The following ZNF77 variants were observed in gnomAD, a reference collection of about 807,000 sequenced individuals.
ZNF77 encodes zinc finger protein 77, also known as ZNFpT1.
In ZNF77, 15 loss-of-function variants were observed where a neutral mutation model predicts 13.5. The observed-to-expected ratio is 1.11, with a 90% CI of 0.74 to 1.71. The LOEUF is 1.71. ZNF77 is among the 40% of genes most tolerant of loss of function. The pLI is 0.00. For synonymous variants in ZNF77, 282 were observed against 250.0 expected, an observed-to-expected ratio of 1.13 and a Z score of -1.21; for missense variants, 717 against 676.4, an observed-to-expected ratio of 1.06 and a Z score of -0.67.
intron 1 of ZNF77, 32 bp from the exon 2 acceptor site, chr19:2,939,439 A>C: frequency 6.2e-7 from 1 of 1,610,420 alleles, no homozygotes; most frequent in Non-Finnish European, 8.5e-7. Flanking sequence ...ACTTCAGCAA[A>C]GGCACCGCCT....
chr19:2,941,560 T>C (rs62125410), intron 1 of ZNF77, among the ~76,000 whole-genome samples: 12,921 of 152,170 alleles, frequency 0.085, 719 homozygotes, highest in South Asian at 0.2. Flanking sequence ...TGGTGGATTC[T>C]AGAAGATCTA....
At chr19:2,940,100 C>T (rs1043450300) in intron 1 of ZNF77, among the ~76,000 whole-genome samples, 1 of 151,930 alleles carries the variant, frequency 6.6e-6, no homozygotes, top group Non-Finnish European at 1.5e-5. Flanking sequence ...GAGAAGATCG[C>T]TTGAGGCCAG....
rs1413165059 is a variant in ZNF77 at position 2,944,943 on chromosome 19, A to G, written c.-103T>C. On this transcript the variant is annotated 5_prime_UTR_variant, in exon 1 of 4. Coordinates refer to ENST00000314531, the MANE Select transcript of ZNF77 (RefSeq NM_021217.3). ...CTGAGCCGCTCGGGGTAGGCGGGGA[A>G]GCGCGCAAGGCAGAGGGGAACTCGG... 6 of 1,409,352 alleles carry G rather than the reference A, an allele frequency of 4.3e-6. No individual in the cohort carries two copies. The highest frequency in any genetic ancestry group is 4.7e-6 in the Non-Finnish European group (5 of 1,071,564). 87.3% of individuals were successfully genotyped at this position (1,409,352 alleles called of 1,614,324 possible).
intron 1 of ZNF77, among the ~76,000 whole-genome samples, chr19:2,940,696 AAG>A (rs2088441737): frequency 6.6e-6 from 1 of 151,108 alleles, no homozygotes; most frequent in Non-Finnish European, 1.5e-5. Context: ...AAAAAAAAAA[AAG>A]AATGTAGAAT....
At chr19:2,934,935 T>C (rs2088382796) in intron 3 of ZNF77, 120 bp from the exon 4 acceptor site, 2 of 1,294,276 alleles carry the variant, frequency 1.5e-6, no homozygotes, top group Non-Finnish European at 2.1e-6. Context: ...GGTTCTATTT[T>C]CAGCACTGTC....
chr19:2,933,696 C>T lies in ZNF77; in HGVS notation c.1431G>A (p.Gln477=). ...GTGATCTCACATGCTTTTGAAAGTA[C>T]TGAGCGTGGCTGAAGGCTTTCCCAC... ...NQCGKAFSHA[Q]YFQKHVRSHS... The change falls in exon 4 of 4, where the codon CAG becomes CAA. Residue 477 remains glutamine, a synonymous_variant. Coordinates refer to ENST00000314531, the MANE Select transcript of ZNF77 (RefSeq NM_021217.3). The T allele has an allele frequency of 6.2e-7, 1 of 1,611,198 alleles. No individual in the cohort carries two copies. Among genetic ancestry groups the T allele is most frequent in the Non-Finnish European group, 8.5e-7 (1 of 1,177,870 alleles).
At chr19:2,938,742 G>T (rs1476955749) in intron 2 of ZNF77, among the ~76,000 whole-genome samples, 3 of 152,122 alleles carry the variant, frequency 2.0e-5, no homozygotes, top group Non-Finnish European at 2.9e-5. Flanking sequence ...GGATCACGAG[G>T]TCAGGAGATC....
chr19:2,938,883 G>A (rs1400631678), intron 2 of ZNF77, among the ~76,000 whole-genome samples: 2 of 151,986 alleles, frequency 1.3e-5, no homozygotes, highest in South Asian at 2.1e-4. Flanking sequence ...ATGAACCCGG[G>A]AGGCGGAGCT....
At position 2,933,385 on chromosome 19, in the gene ZNF77, T is replaced by C. The variant is rs532731185; in HGVS notation, c.*104A>G. On this transcript the variant is annotated 3_prime_UTR_variant, in exon 4 of 4. Transcript: ENST00000314531. ...TCTGAATTTTTAGGTACAAAATAAG[T>C]GCTATACCAGGTTTTCCTACATGCT... 2.2e-6 allele frequency: 3 copies of C among 1,383,022 alleles called. No individual in the cohort carries two copies. The highest frequency in any genetic ancestry group is 2.9e-5 in the African/African-American group (2 of 69,674). 85.7% of individuals were successfully genotyped at this position (1,383,022 alleles called of 1,614,324 possible).
At chr19:2,940,749 A>G (rs2088442209) in intron 1 of ZNF77, among the ~76,000 whole-genome samples, 1 of 151,788 alleles carries the variant, frequency 6.6e-6, no homozygotes, top group African/African-American at 2.4e-5. Flanking sequence ...ATTACACATC[A>G]TTTCAAATTG....
At position 2,934,451 on chromosome 19, in the gene ZNF77, A is replaced by G. The variant is rs1449076074; in HGVS notation, c.676T>C (p.Ser226Pro). 1 of 1,614,086 alleles carries G rather than the reference A, an allele frequency of 6.2e-7. No homozygotes were observed. The highest frequency in any genetic ancestry group is 8.5e-7 in the Non-Finnish European group (1 of 1,180,040). ...TGACTATTCACATGTCCCCTGAAAG[A>G]TGAGGGACAAATGAAAGCTTTTCCA... is the stretch of plus-strand genomic sequence containing the variant. Reference protein sequence around the residue: ...KCGKAFICPSSFRGHVNSHHG... With the variant: ...KCGKAFICPSPFRGHVNSHHG... Residue 226 changes from serine (S) to proline (P), a missense_variant, in exon 4 of 4, where the codon TCT becomes CCT. Coordinates refer to ENST00000314531, the MANE Select transcript of ZNF77 (RefSeq NM_021217.3).
Position 2,934,408 on chromosome 19 carries a change from T to G in ZNF77, c.719A>C (p.His240Pro). 6.2e-7 allele frequency: 1 copy of G among 1,614,242 alleles called. No homozygotes were observed. Among genetic ancestry groups the G allele is most frequent in the South Asian group, 1.1e-5 (1 of 91,084 alleles). ...HVNSHHGQKT[H>P]ACKVCGKTFM... is the part of the protein sequence containing the mutation. ...GGTCTTCCCACATACTTTACATGCA[T>G]GGGTTTTCTGCCCATGATGACTATT... Residue 240 changes from histidine to proline, a missense_variant, in exon 4 of 4, where the codon CAT becomes CCT. Physicochemically the swap from His to Pro is moderately conservative, Grantham distance 77 (BLOSUM62 -2). Transcript: ENST00000314531.
chr19:2,934,085 C>T lies in ZNF77; in HGVS notation c.1042G>A (p.Gly348Arg). The T allele has an allele frequency of 1.2e-6, 2 of 1,614,122 alleles. No individual in the cohort carries two copies. The highest frequency in any genetic ancestry group is 1.6e-4 in the Middle Eastern group (1 of 6,062). The part of the protein sequence containing the change: ...SLREHGRTHS[G>R]EKPYECKECG... ...TCCTTACATTCATAGGGTTTCTCTC[C>T]ACTGTGCGTTCTCCCATGTTCTCGA... The change falls in exon 4 of 4, where the codon GGA becomes AGA. Residue 348 changes from glycine to arginine, a missense_variant. Transcript: ENST00000314531.
At chr19:2,944,736 C>G (rs2144973834) in intron 1 of ZNF77, 102 bp downstream of exon 1, 1 of 1,410,040 alleles carries the variant, frequency 7.1e-7, no homozygotes, top group East Asian at 2.8e-5. Flanking sequence ...TGCGCCGCCC[C>G]GCGCGTCCCT....
intron 2 of ZNF77, among the ~76,000 whole-genome samples, chr19:2,936,995 G>A (rs971520574): frequency 6.6e-6 from 1 of 151,968 alleles, no homozygotes; most frequent in Admixed American, 6.6e-5. Context: ...GGCAACATAG[G>A]AAAATAAGGA....
intron 3 of ZNF77, 71 bp from the exon 4 acceptor site, chr19:2,934,886 T>C: frequency 6.7e-7 from 1 of 1,501,320 alleles, no homozygotes; most frequent in Non-Finnish European, 8.9e-7. Context: ...TGGTTTTTAG[T>C]GATTATTTTG....
At chr19:2,937,541 C>G (rs1282834130) in intron 2 of ZNF77, among the ~76,000 whole-genome samples, 4 of 150,266 alleles carry the variant, frequency 2.7e-5, no homozygotes, top group South Asian at 2.1e-4. Context: ...TACTAAGAAA[C>G]AGAATAGTTC....
rs1278545317 is a variant in ZNF77 at position 2,934,121 on chromosome 19, A to G, written c.1006T>C (p.Tyr336His). ...CTCCCATGTTCTCGAAGAGACGAGT[A>G]ACAAGTGAACGCTTTTCCGCAATGT... is the stretch of plus-strand genomic sequence containing the variant. Reference protein sequence around the residue: ...CKHCGKAFTCYSSLREHGRTH... With the variant: ...CKHCGKAFTCHSSLREHGRTH... The change falls in exon 4 of 4, where the codon TAC becomes CAC. Residue 336 changes from tyrosine to histidine, a missense_variant. Transcript: ENST00000314531. The G allele has an allele frequency of 1.2e-6, 2 of 1,612,466 alleles. No homozygotes were observed. The highest frequency in any genetic ancestry group is 2.2e-5 in the East Asian group (1 of 44,700).
At position 2,934,689 on chromosome 19, in the gene ZNF77, C is replaced by G. The variant is rs769886078; in HGVS notation, c.438G>C (p.Lys146Asn). The G allele has an allele frequency of 3.1e-6, 5 of 1,614,150 alleles. No individual in the cohort carries two copies. In the South Asian group the frequency reaches 3.3e-5, roughly 11 times the overall value. ...GCCGATTCTCGAAGGCTTTGCCACA[C>G]TTAGTGCACTCAGAGGGTTTAGCTT... is the stretch of plus-strand genomic sequence containing the variant. ...PTEAKPSECT[K>N]CGKAFENRQR... Residue 146 changes from lysine (K) to asparagine (N), a missense_variant, in exon 4 of 4, where the codon AAG becomes AAC. Physicochemically the swap from Lys to Asn is moderately conservative, Grantham distance 94 (BLOSUM62 0). Transcript: ENST00000314531.
Sources: gnomAD v4.1 joint callset for allele counts (sites outside exome capture counted in the v4.1 genomes callset) on GRCh38, gnomAD v4.1.1 for gene constraint, MANE v1.5 for transcripts, NCBI Gene and HGNC (gene_info 2026-07-23, HGNC 2026-07-21) for gene names.